Variants in OPCML observed in about 807,000 individuals in gnomAD.
The protein encoded by OPCML is opioid binding protein/cell adhesion molecule like.
A neutral mutation model predicts 37.8 loss-of-function variants in OPCML; 13 were observed. The ratio of observed to expected loss-of-function variants is 0.34; its 90% CI spans 0.22 to 0.55. OPCML has a LOEUF of 0.55. Among genes scored for constraint, OPCML ranks in the 20% least tolerant of loss-of-function variants. The pLI is 0.91. For missense variants in OPCML, 341 were observed against 435.6 expected, an observed-to-expected ratio of 0.78 and a Z score of 1.93; for synonymous variants, 176 against 168.8, an observed-to-expected ratio of 1.04 and a Z score of -0.33.
At chr11:132,890,963 T>C (rs965063516) in intron 2 of OPCML, among the ~76,000 whole-genome samples, 5 of 152,048 alleles carry the variant, frequency 3.3e-5, no homozygotes. Context: ...ACTAACACTC[T>C]TTACATCTCC....
chr11:132,961,417 G>A (rs1272348024), intron 1 of OPCML, among the ~76,000 whole-genome samples: 1 of 152,194 alleles, frequency 6.6e-6, no homozygotes, highest in Non-Finnish European at 1.5e-5. Flanking sequence ...GGCCGTTCTG[G>A]TTCCATATTT....
chr11:132,754,508 T>C (rs570742972), intron 2 of OPCML, among the ~76,000 whole-genome samples: 2 of 152,236 alleles, frequency 1.3e-5, no homozygotes, highest in African/African-American at 4.8e-5. Context: ...TAAGTCCAAT[T>C]AAACATCTTT....
intron 1 of OPCML, among the ~76,000 whole-genome samples, chr11:133,061,788 T>C (rs1948346380): frequency 6.6e-6 from 1 of 151,970 alleles, no homozygotes; most frequent in African/African-American, 2.4e-5. Context: ...ATCTCTTCTT[T>C]CAAAAACTTT....
At chr11:132,805,357 A>G (rs1337480098) in intron 2 of OPCML, among the ~76,000 whole-genome samples, 1 of 151,622 alleles carries the variant, frequency 6.6e-6, no homozygotes, top group Admixed American at 6.6e-5. Flanking sequence ...AAGAAGAAGA[A>G]GAGAGTGACA....
chr11:133,019,091 CA>C (rs1009821386), intron 1 of OPCML, among the ~76,000 whole-genome samples: 1 of 152,160 alleles, frequency 6.6e-6, no homozygotes, highest in Non-Finnish European at 1.5e-5. Flanking sequence ...CAAAAGAGAC[CA>C]GAGCAGGACT....
intron 4 of OPCML, among the ~76,000 whole-genome samples, chr11:132,484,052 C>A (rs571408032): frequency 3.3e-5 from 5 of 152,174 alleles, no homozygotes; most frequent in East Asian, 1.9e-4. Flanking sequence ...GCAACAAAAG[C>A]CAAAATTGAC....
At chr11:133,367,320 G>T (rs957181515) in intron 1 of OPCML, among the ~76,000 whole-genome samples, 7 of 152,126 alleles carry the variant, frequency 4.6e-5, no homozygotes, top group Non-Finnish European at 1.0e-4. Context: ...AGACATGGCT[G>T]CATGTTACTC....
intron 3 of OPCML, among the ~76,000 whole-genome samples, chr11:132,598,458 A>T (rs753060684): frequency 6.6e-6 from 1 of 152,168 alleles, no homozygotes; most frequent in Non-Finnish European, 1.5e-5. Context: ...AACGCACGCC[A>T]TTTCTATAAA....
chr11:133,247,899 G>A (rs553798564), intron 1 of OPCML, among the ~76,000 whole-genome samples: 6 of 152,198 alleles, frequency 3.9e-5, no homozygotes, highest in Admixed American at 3.3e-4. Context: ...ATGAGCCACC[G>A]CACCCAGCCT....
At chr11:133,185,429 C>T (rs1039427790) in intron 1 of OPCML, among the ~76,000 whole-genome samples, 38 of 152,174 alleles carry the variant, frequency 2.5e-4, no homozygotes, top group Non-Finnish European at 4.0e-4. Flanking sequence ...CACTGAGAGC[C>T]GCTGCAGGCT....
intron 1 of OPCML, among the ~76,000 whole-genome samples, chr11:133,388,484 C>A (rs746839220): frequency 1.3e-5 from 2 of 152,090 alleles, no homozygotes; most frequent in African/African-American, 2.4e-5. Context: ...AGTATGGGGA[C>A]AATTGGGTGA....
intron 4 of OPCML, among the ~76,000 whole-genome samples, chr11:132,486,365 A>G (rs1422151269): frequency 6.6e-6 from 1 of 152,210 alleles, no homozygotes; most frequent in Non-Finnish European, 1.5e-5. Flanking sequence ...GTTTTGGTGA[A>G]TTGAGAGGAC....
intron 2 of OPCML, among the ~76,000 whole-genome samples, chr11:132,807,491 A>G (rs1939084873): frequency 6.6e-6 from 1 of 152,232 alleles, no homozygotes; most frequent in Non-Finnish European, 1.5e-5. Context: ...TTCACTTCAA[A>G]GAATAAAATT....
At chr11:133,384,943 G>A (rs566041290) in intron 1 of OPCML, among the ~76,000 whole-genome samples, 7 of 152,362 alleles carry the variant, frequency 4.6e-5, no homozygotes, top group Admixed American at 3.9e-4. Context: ...CGTTGGAGGG[G>A]AGGCCAACAC....
chr11:133,438,553 G>GA (rs1946291906), intron 1 of OPCML, among the ~76,000 whole-genome samples: 1 of 152,132 alleles, frequency 6.6e-6, no homozygotes, highest in South Asian at 2.1e-4. Flanking sequence ...ACAAAGGATG[G>GA]AAAAATGAAT....
At chr11:133,508,944 AC>A (rs141878132) in intron 1 of OPCML, among the ~76,000 whole-genome samples, 103 of 149,806 alleles carry the variant, frequency 6.9e-4, no homozygotes, top group African/African-American at 2.0e-3. Context: ...CTTATGCTCA[AC>A]CCTTTCTCTT....
intron 1 of OPCML, among the ~76,000 whole-genome samples, chr11:133,092,788 G>A (rs1441961538): frequency 6.6e-6 from 1 of 152,086 alleles, no homozygotes; most frequent in Non-Finnish European, 1.5e-5. Context: ...CTGTGAGAAG[G>A]TTGGTACATC....
At chr11:133,013,129 G>A (rs1373001504) in intron 1 of OPCML, among the ~76,000 whole-genome samples, 1 of 152,134 alleles carries the variant, frequency 6.6e-6, no homozygotes, top group Admixed American at 6.5e-5. Flanking sequence ...CTCATACTAG[G>A]ACCATTTTTC....
Position 133,208,404 on chromosome 11 carries a change from T to A in OPCML, c.62-265394A>T, listed in dbSNP as rs1939201257. On this transcript the variant is annotated intron_variant, in intron 1 of 7. Coordinates refer to ENST00000524381, the MANE Select transcript of OPCML (RefSeq NM_001012393.5). The surrounding 1 kb of genome is among the most constrained non-coding windows in gnomAD (Gnocchi z 8.9). The stretch of plus-strand genomic sequence containing the variant: ...GGGCCATAGGTTAGGATTTTATAAC[T>A]CTCTGGAGTTTACTCTGGGCGCAGG... 6.6e-6 allele frequency among the ~76,000 whole-genome samples: 1 copy of A among 152,190 alleles called. No homozygotes were observed. The highest frequency in any genetic ancestry group is 1.5e-5 in the Non-Finnish European group (1 of 68,030).
Sources: gnomAD v4.1 joint callset for allele counts (sites outside exome capture counted in the v4.1 genomes callset) on GRCh38, gnomAD v4.1.1 for gene constraint, Gnocchi (gnomAD v3.1) non-coding constraint, MANE v1.5 for transcripts, NCBI Gene and HGNC (gene_info 2026-07-23, HGNC 2026-07-21) for gene names.